The following PAK4 variants were observed in gnomAD, a reference collection of about 807,000 sequenced individuals.
PAK4 encodes serine/threonine-protein kinase PAK 4.
A neutral mutation model predicts 53.5 loss-of-function variants in PAK4; 49 were observed. The observed-to-expected ratio is 0.92, with a 90% CI of 0.73 to 1.16. The LOEUF (loss-of-function observed/expected upper bound fraction) is 1.16, where lower values mean the gene tolerates loss of function less well. Ranked by LOEUF, PAK4 falls within the 50% of genes most tolerant of loss-of-function variation. The pLI, the probability that PAK4 is intolerant of heterozygous loss-of-function variation, is 0.00. For missense variants in PAK4, 824 were observed against 850.7 expected (o/e 0.97, Z 0.39); for synonymous variants, 376 against 375.6 (o/e 1.00, Z -0.01).
chr19:39,139,580 G>C (rs1034397271), intron 1 of PAK4, among the ~76,000 whole-genome samples: 1 of 152,154 alleles, frequency 6.6e-6, no homozygotes, highest in Non-Finnish European at 1.5e-5. Flanking sequence ...GGTCCTAAGT[G>C]GGGGAAGGTG....
At chr19:39,135,651 G>T (rs910991639) in intron 1 of PAK4, among the ~76,000 whole-genome samples, 5 of 151,982 alleles carry the variant, frequency 3.3e-5, no homozygotes, top group Non-Finnish European at 7.4e-5. Flanking sequence ...TGTATTCTTT[G>T]ACCAGCTTTG....
At chr19:39,168,085 G>C (rs1341296591) in intron 1 of PAK4, 145 bp from the exon 2 acceptor site, 3 of 152,240 alleles carry the variant, frequency 2.0e-5, no homozygotes, top group African/African-American at 7.2e-5. Context: ...CATGGGGACA[G>C]GTCTGTCTGC....
At chr19:39,132,621 T>C (rs1371791694) in intron 1 of PAK4, among the ~76,000 whole-genome samples, 1 of 152,262 alleles carries the variant, frequency 6.6e-6, no homozygotes, top group Non-Finnish European at 1.5e-5. Context: ...TGAACAGGGC[T>C]GCGCCCGCCT....
At chr19:39,131,453 C>T (rs540990319) in intron 1 of PAK4, among the ~76,000 whole-genome samples, 3 of 152,302 alleles carry the variant, frequency 2.0e-5, no homozygotes, top group East Asian at 1.9e-4. Context: ...CTCCCATCAC[C>T]GAGCCCAGCC....
At chr19:39,182,430 C>T (rs1376340503), downstream of PAK4, 1 of 152,258 alleles carries the variant, frequency 6.6e-6, no homozygotes, top group Non-Finnish European at 1.5e-5. Flanking sequence ...TGCTGGGCTT[C>T]ACCCTGGACT....
intron 1 of PAK4, among the ~76,000 whole-genome samples, chr19:39,152,988 G>T (rs1600351330): frequency 6.6e-6 from 1 of 152,242 alleles, no homozygotes; most frequent in East Asian, 1.9e-4. Context: ...CCTGGATGTG[G>T]TACCTCCTGC....
intron 1 of PAK4, among the ~76,000 whole-genome samples, chr19:39,129,044 A>G (rs938877060): frequency 6.6e-6 from 1 of 152,168 alleles, no homozygotes; most frequent in Non-Finnish European, 1.5e-5. Context: ...CACCATAAAC[A>G]TGCCTTTCTG....
At chr19:39,164,535 T>C (rs1568518290) in intron 1 of PAK4, among the ~76,000 whole-genome samples, 1 of 152,080 alleles carries the variant, frequency 6.6e-6, no homozygotes, top group East Asian at 1.9e-4. Flanking sequence ...CAGGGGGACC[T>C]GTGTGGCCAG....
intron 1 of PAK4, among the ~76,000 whole-genome samples, chr19:39,130,376 G>T (rs1436244104): frequency 6.6e-6 from 1 of 151,958 alleles, no homozygotes; most frequent in Non-Finnish European, 1.5e-5. Context: ...GGATGGAGGC[G>T]CAGGGACCGT....
intron 1 of PAK4, among the ~76,000 whole-genome samples, chr19:39,127,894 G>A (rs1027431066): frequency 6.6e-5 from 10 of 152,220 alleles, no homozygotes; most frequent in Admixed American, 2.0e-4. Flanking sequence ...CAGAGGCCCT[G>A]GCATGACTGG....
chr19:39,177,463 A>AG (rs929041590), intron 7 of PAK4, among the ~76,000 whole-genome samples: 6 of 136,068 alleles, frequency 4.4e-5, no homozygotes, highest in Non-Finnish European at 3.2e-5. Context: ...CAGAAAGAAG[A>AG]GGGGTGGGTG....
intron 2 of PAK4, among the ~76,000 whole-genome samples, chr19:39,171,019 C>A (rs926555388): frequency 6.6e-6 from 1 of 152,326 alleles, no homozygotes; most frequent in South Asian, 2.1e-4. Flanking sequence ...CAAGGTGTCT[C>A]CAAAAACCCA....
intron 1 of PAK4, among the ~76,000 whole-genome samples, chr19:39,157,661 C>T (rs1005116890): frequency 1.1e-4 from 17 of 152,218 alleles, no homozygotes; most frequent in African/African-American, 3.6e-4. Flanking sequence ...CCCTGCCCCA[C>T]GGCAAGCAAG....
intron 1 of PAK4, among the ~76,000 whole-genome samples, chr19:39,132,874 A>G (rs959380031): frequency 3.3e-5 from 5 of 152,274 alleles, no homozygotes; most frequent in Non-Finnish European, 7.3e-5. Flanking sequence ...AAACAGTCTC[A>G]TCATGGTTCT....
At chr19:39,135,492 C>T (rs1600309341) in intron 1 of PAK4, among the ~76,000 whole-genome samples, 2 of 151,674 alleles carry the variant, frequency 1.3e-5, no homozygotes, top group Middle Eastern at 3.2e-3. Context: ...TGTGCCACCA[C>T]GCACGGCTAA....
chr19:39,137,868 G>A (rs940554248), intron 1 of PAK4, among the ~76,000 whole-genome samples: 13 of 152,110 alleles, frequency 8.5e-5, no homozygotes, highest in Admixed American at 2.0e-4. Flanking sequence ...AGGCTTTGCC[G>A]TGTTAGCCAG....
chr19:39,150,929 G>T (rs2074084009), intron 1 of PAK4, among the ~76,000 whole-genome samples: 1 of 152,042 alleles, frequency 6.6e-6, no homozygotes, highest in Middle Eastern at 3.2e-3. Context: ...AAGCCTGATG[G>T]GGTAGGGCCC....
chr19:39,145,002 C>T (rs2073976774), intron 1 of PAK4, among the ~76,000 whole-genome samples: 1 of 152,186 alleles, frequency 6.6e-6, no homozygotes, highest in South Asian at 2.1e-4. Flanking sequence ...CATGAAACTA[C>T]CACCCAGATC....
chr19:39,129,366 T>G (rs2073656909), intron 1 of PAK4, among the ~76,000 whole-genome samples: 1 of 152,020 alleles, frequency 6.6e-6, no homozygotes. Flanking sequence ...CCGTTGGAGC[T>G]ATAACCGTGC....
Sources: gnomAD v4.1 joint callset for allele counts (sites outside exome capture counted in the v4.1 genomes callset) on GRCh38, gnomAD v4.1.1 for gene constraint, MANE v1.5 for transcripts, NCBI Gene and HGNC (gene_info 2026-07-23, HGNC 2026-07-21) for gene names.